The following SGCD variants were observed in gnomAD, a reference collection of about 807,000 sequenced individuals.
SGCD encodes the protein delta-sarcoglycan.
A neutral mutation model predicts 36.6 loss-of-function variants in SGCD; 18 were observed. The observed-to-expected ratio is 0.49, with a 90% confidence interval of 0.34 to 0.73. The LOEUF is 0.73. Among genes scored for constraint, SGCD ranks in the 30% least tolerant of loss-of-function variants. SGCD has a pLI of 0.01. For synonymous variants in SGCD, 133 were observed against 130.6 expected, an observed-to-expected ratio of 1.02 and a Z score of -0.12; for missense variants, 387 against 346.7, an observed-to-expected ratio of 1.12 and a Z score of -0.92.
At chr5:156,734,170 G>GGTTGGAATTTAT (rs1478580832) in intron 7 of SGCD, among the ~76,000 whole-genome samples, 1 of 151,960 alleles carries the variant, frequency 6.6e-6, no homozygotes, top group African/African-American at 2.4e-5. Context: ...AAGAATTCTA[G>GGTTGGAATTTAT]GTTGGAATTT....
intron 1 of SGCD, among the ~76,000 whole-genome samples, chr5:155,997,727 G>GT (rs752880105): frequency 6.6e-6 from 1 of 152,106 alleles, no homozygotes; most frequent in African/African-American, 2.4e-5. Context: ...ATAACAGCCA[G>GT]TTTTTTTAAT....
rs367587637 is a variant in SGCD at position 156,005,519 on chromosome 5, T to C, written c.-281-112359T>C. Among the ~76,000 whole-genome samples the C allele has an allele frequency of 6.1e-3, 922 of 152,152 alleles. 11 individuals carry two copies. The highest frequency in any genetic ancestry group is 0.015 in the African/African-American group (620 of 41,520). On this transcript the variant is annotated intron_variant, in intron 1 of 9. Coordinates refer to the SGCD transcript ENST00000517913. ...AGGCTGGAGTGCAGTGGCGTGATCT[T>C]GGCTCACTGCAAGCTCCACCTCCCG...
At chr5:156,490,831 A>G (rs1248236030) in intron 3 of SGCD, among the ~76,000 whole-genome samples, 2 of 152,114 alleles carry the variant, frequency 1.3e-5, no homozygotes, top group East Asian at 3.8e-4. Flanking sequence ...CTCTTATTCA[A>G]CATAGTACTA....
chr5:155,779,034 G>T, the SGCD span, among the ~76,000 whole-genome samples: 2 of 152,116 alleles, frequency 1.3e-5, no homozygotes, highest in Non-Finnish European at 2.9e-5. Context: ...ATCTCTGTTG[G>T]AATAAGACTC....
intron 3 of SGCD, among the ~76,000 whole-genome samples, chr5:156,301,450 A>G (rs1371155619): frequency 6.6e-6 from 1 of 151,994 alleles, no homozygotes; most frequent in African/African-American, 2.4e-5. Flanking sequence ...TTTATATCTT[A>G]TTATACTGTC....
At chr5:156,491,779 A>G (rs1019446108) in intron 3 of SGCD, among the ~76,000 whole-genome samples, 10 of 152,156 alleles carry the variant, frequency 6.6e-5, no homozygotes, top group African/African-American at 2.2e-4. Flanking sequence ...TTCATTAAGC[A>G]GTTATCTTAT....
At chr5:156,206,186 T>A (rs1233774151) in intron 3 of SGCD, among the ~76,000 whole-genome samples, 1 of 151,810 alleles carries the variant, frequency 6.6e-6, no homozygotes, top group African/African-American at 2.4e-5. Context: ...AAGTTTTTCA[T>A]AAAAATGTGT....
chr5:156,148,318 T>G (rs549532921), intron 3 of SGCD, among the ~76,000 whole-genome samples: 52 of 152,212 alleles, frequency 3.4e-4, no homozygotes, highest in Non-Finnish European at 3.1e-4. Context: ...ACCTTTGGGT[T>G]TGTCTTGTTT....
chr5:156,149,705 G>A (rs1762788826), intron 3 of SGCD, among the ~76,000 whole-genome samples: 1 of 152,156 alleles, frequency 6.6e-6, no homozygotes. Context: ...CTTGAGAGCT[G>A]GTGGGGTGAT....
intron 6 of SGCD, among the ~76,000 whole-genome samples, chr5:156,620,003 T>C (rs192586384): frequency 1.3e-5 from 2 of 152,146 alleles, no homozygotes; most frequent in East Asian, 3.8e-4. Context: ...TATCCAGTCT[T>C]CTTCAAAGTA....
At chr5:156,532,218 C>T (rs1757917384) in intron 4 of SGCD, among the ~76,000 whole-genome samples, 1 of 152,114 alleles carries the variant, frequency 6.6e-6, no homozygotes, top group Non-Finnish European at 1.5e-5. Flanking sequence ...TTAAGGTGTT[C>T]CTAAGTGTCT....
chr5:155,788,215 CCTT>C, the SGCD span, among the ~76,000 whole-genome samples: 2 of 152,192 alleles, frequency 1.3e-5, no homozygotes, highest in South Asian at 4.1e-4. Flanking sequence ...TTTTTAATAA[CCTT>C]CTACTTCAAA....
intron 3 of SGCD, among the ~76,000 whole-genome samples, chr5:156,454,220 T>C (rs1754154150): frequency 6.6e-6 from 1 of 152,202 alleles, no homozygotes; most frequent in South Asian, 2.1e-4. Context: ...TTTAGGTCCA[T>C]TGTGTTACCA....
intron 3 of SGCD, among the ~76,000 whole-genome samples, chr5:156,505,460 G>A (rs1433402571): frequency 6.6e-6 from 1 of 152,212 alleles, no homozygotes; most frequent in Admixed American, 6.5e-5. Flanking sequence ...TGAACGTGTT[G>A]AGGTATACAG....
the SGCD span, among the ~76,000 whole-genome samples, chr5:155,752,095 C>G: frequency 1.3e-5 from 2 of 152,202 alleles, no homozygotes; most frequent in African/African-American, 4.8e-5. Context: ...CTCCCACTTT[C>G]CCCATCTCAT....
chr5:155,941,491 TTAA>T (rs1262297082), intron 1 of SGCD, among the ~76,000 whole-genome samples: 9 of 151,240 alleles, frequency 6.0e-5, no homozygotes, highest in East Asian at 3.9e-4. Context: ...TATATTGCTA[TTAA>T]TAATATTGAT....
intron 1 of SGCD, among the ~76,000 whole-genome samples, chr5:155,916,013 A>G (rs1401286909): frequency 6.6e-6 from 1 of 152,180 alleles, no homozygotes; most frequent in Non-Finnish European, 1.5e-5. Flanking sequence ...ACTTTACAGA[A>G]TTAATTATCT....
At chr5:156,305,825 A>G (rs1767193657) in intron 3 of SGCD, among the ~76,000 whole-genome samples, 1 of 152,242 alleles carries the variant, frequency 6.6e-6, no homozygotes, top group African/African-American at 2.4e-5. Flanking sequence ...TGTGATCCAG[A>G]TACAAGACAT....
At chr5:156,402,541 G>C (rs1026481693) in intron 3 of SGCD, among the ~76,000 whole-genome samples, 1 of 152,150 alleles carries the variant, frequency 6.6e-6, no homozygotes, top group Non-Finnish European at 1.5e-5. Context: ...TATTCAGAAG[G>C]GGGTGGGAAG....
Sources: allele counts gnomAD v4.1 joint callset (sites outside exome capture counted in the v4.1 genomes callset), GRCh38; gene constraint gnomAD v4.1.1; transcripts MANE v1.5; gene names NCBI Gene and HGNC (gene_info 2026-07-23, HGNC 2026-07-21).